Variants in MICU3 observed in about 807,000 individuals in gnomAD.
MICU3 encodes the protein mitochondrial calcium uptake 3, also known as calcium uptake protein 3, mitochondrial.
Under a neutral mutation model 66.5 loss-of-function variants are expected in MICU3, and 62 were observed. The observed-to-expected ratio is 0.93, with a 90% confidence interval of 0.76 to 1.15. MICU3 has a LOEUF of 1.15. Ranked by LOEUF, MICU3 falls within the 50% of genes most tolerant of loss-of-function variation. The probability of loss-of-function intolerance (pLI) is 0.00; values close to 1 mark genes in which losing one functional copy is unlikely to be tolerated. For missense variants in MICU3, 779 were observed against 664.4 expected, an observed-to-expected ratio of 1.17 and a Z score of -1.90; for synonymous variants, 308 against 240.7, an observed-to-expected ratio of 1.28 and a Z score of -2.59.
chr8:17,047,813 G>C (rs991649214), intron 1 of MICU3, among the ~76,000 whole-genome samples: 11 of 152,194 alleles, frequency 7.2e-5, no homozygotes, highest in Admixed American at 4.6e-4. Context: ...CCACTGAAGA[G>C]TGCATATCAG....
At chr8:17,033,523 C>T (rs1812439851) in intron 1 of MICU3, among the ~76,000 whole-genome samples, 1 of 152,084 alleles carries the variant, frequency 6.6e-6, no homozygotes, top group Non-Finnish European at 1.5e-5. Context: ...GCAAGCTCCG[C>T]CTCGCCGGGT....
chr8:17,056,668 C>T (rs1183099242), intron 1 of MICU3, among the ~76,000 whole-genome samples: 1 of 152,150 alleles, frequency 6.6e-6, no homozygotes, highest in African/African-American at 2.4e-5. Flanking sequence ...ACTGTGTTGG[C>T]TCACAGGGAA....
At chr8:17,130,002 T>C in the MICU3 span, among the ~76,000 whole-genome samples, 1 of 152,186 alleles carries the variant, frequency 6.6e-6, no homozygotes, top group Non-Finnish European at 1.5e-5. Context: ...TGGAATAGTA[T>C]ATTCAGTAAA....
chr8:17,117,068 C>A (rs1802753123), intron 13 of MICU3, among the ~76,000 whole-genome samples: 1 of 152,154 alleles, frequency 6.6e-6, no homozygotes, highest in African/African-American at 2.4e-5. Context: ...GCCTTGAACT[C>A]CTGGGCTCAA....
At chr8:17,091,970 C>A (rs1800110938) in intron 8 of MICU3, among the ~76,000 whole-genome samples, 1 of 152,006 alleles carries the variant, frequency 6.6e-6, no homozygotes, top group Non-Finnish European at 1.5e-5. Flanking sequence ...CTCCAACTCC[C>A]TGGTTCAAGT....
chr8:17,061,880 A>G (rs1266612881), intron 1 of MICU3, among the ~76,000 whole-genome samples: 2 of 152,054 alleles, frequency 1.3e-5, no homozygotes, highest in African/African-American at 4.8e-5. Flanking sequence ...TCAGTATCTC[A>G]TGTCTCACCC....
intron 1 of MICU3, among the ~76,000 whole-genome samples, chr8:17,040,916 G>A (rs1180173763): frequency 6.6e-6 from 1 of 152,132 alleles, no homozygotes; most frequent in Non-Finnish European, 1.5e-5. Context: ...CAATTGGGTG[G>A]ATTTGCTGCA....
At chr8:17,131,055 A>G in the MICU3 span, 150,491 of 152,344 alleles carry the variant, frequency 0.99, 74,355 homozygotes, top group East Asian at 1. Flanking sequence ...TGATGCCAAG[A>G]CAAGGAGTAT....
rs1322779681 is a variant in MICU3, at chr8:17,121,742, G to A, written c.*1455G>A. The A allele has an allele frequency of 1.3e-5, 2 of 152,076 alleles. No homozygotes were observed. Among genetic ancestry groups the A allele is most frequent in the African/African-American group, 4.8e-5 (2 of 41,378 alleles). The allele number at this position is 152,076 out of a possible 1,614,324, so 9.4% of individuals were successfully genotyped here. A position where few individuals can be genotyped will look rare whatever the true frequency, so the allele number is the denominator to read the frequency against. ...AAATGTTACTCTTAGCATTGATTTTGTATGTTAGACTTTTTACATTGTTTA... is the reference window on the plus strand; with the variant it reads ...AAATGTTACTCTTAGCATTGATTTTATATGTTAGACTTTTTACATTGTTTA... On this transcript the variant is annotated 3_prime_UTR_variant, in exon 15 of 15. Coordinates refer to ENST00000318063, the MANE Select transcript of MICU3 (RefSeq NM_181723.3).
chr8:17,031,341 G>C (rs1292892504), intron 1 of MICU3, among the ~76,000 whole-genome samples: 1 of 150,732 alleles, frequency 6.6e-6, no homozygotes, highest in African/African-American at 2.4e-5. Flanking sequence ...AGGCTGGACT[G>C]CAGGGGTGTG....
chr8:17,086,974 T>TA lies in MICU3; in HGVS notation c.789dup (p.Phe264IlefsTer6). ...TGATTTCTTTGTCAGCTTCAAGAGA[T>TA]ATTCAGGAAAAAAAATGAAAAGAGA... is the stretch of plus-strand genomic sequence containing the variant. On this transcript the variant is annotated frameshift_variant, in exon 7 of 15. Coordinates refer to ENST00000318063, the MANE Select transcript of MICU3 (RefSeq NM_181723.3). LOFTEE classifies it high-confidence loss of function. The TA allele has an allele frequency of 6.2e-7, 1 of 1,600,222 alleles. No individual in the cohort carries two copies. Among genetic ancestry groups the TA allele is most frequent in the Non-Finnish European group, 8.6e-7 (1 of 1,168,838 alleles).
At chr8:17,099,580 T>G (rs1024112385) in intron 9 of MICU3, among the ~76,000 whole-genome samples, 1 of 151,818 alleles carries the variant, frequency 6.6e-6, no homozygotes, top group East Asian at 1.9e-4. Flanking sequence ...GTCTGTGATA[T>G]ATAAATGTGA....
intron 1 of MICU3, among the ~76,000 whole-genome samples, chr8:17,036,962 G>T (rs189971582): frequency 3.3e-5 from 5 of 152,238 alleles, no homozygotes; most frequent in Non-Finnish European, 7.3e-5. Flanking sequence ...GTCCTGCCCC[G>T]CGGGAAGGCA....
chr8:17,136,823 C>T, the MICU3 span, among the ~76,000 whole-genome samples: 1 of 151,194 alleles, frequency 6.6e-6, no homozygotes, highest in African/African-American at 2.4e-5. Flanking sequence ...GACCACAACT[C>T]AGGGGAGATA....
chr8:17,055,168 T>A (rs1816739736), intron 1 of MICU3, among the ~76,000 whole-genome samples: 1 of 152,200 alleles, frequency 6.6e-6, no homozygotes, highest in African/African-American at 2.4e-5. Context: ...CCCATGGCTA[T>A]GTCTAAGAAT....
At chr8:17,129,583 C>A in the MICU3 span, among the ~76,000 whole-genome samples, 1 of 152,056 alleles carries the variant, frequency 6.6e-6, no homozygotes, top group Non-Finnish European at 1.5e-5. Flanking sequence ...CAGGGAAATA[C>A]AAGCTATCCA....
At chr8:17,082,820 C>T (rs1313226265) in intron 5 of MICU3, among the ~76,000 whole-genome samples, 1 of 152,076 alleles carries the variant, frequency 6.6e-6, no homozygotes, top group East Asian at 1.9e-4. Flanking sequence ...TGTAACTTAG[C>T]GAGGAATGAC....
At chr8:17,082,499 A>G (rs145438670) in intron 5 of MICU3, among the ~76,000 whole-genome samples, 27 of 152,280 alleles carry the variant, frequency 1.8e-4, no homozygotes, top group Admixed American at 1.7e-3. Context: ...ATTTGAAAGT[A>G]TTATTGGTTT....
At chr8:17,116,743 T>G in intron 13 of MICU3, 143 bp downstream of exon 13, 13 of 545,402 alleles carry the variant, frequency 2.4e-5, no homozygotes, top group Non-Finnish European at 3.7e-5. Flanking sequence ...ACATAGGCCT[T>G]ACTTCCCTTA....
Sources: gnomAD v4.1 joint callset for allele counts (sites outside exome capture counted in the v4.1 genomes callset) on GRCh38, gnomAD v4.1.1 for gene constraint, MANE v1.5 for transcripts, NCBI Gene and HGNC (gene_info 2026-07-23, HGNC 2026-07-21) for gene names.